TENM1: variants seen among roughly 807,000 people sequenced by gnomAD.
TENM1 encodes the protein teneurin transmembrane protein 1, also known as teneurin-1.
A neutral mutation model predicts 174.8 loss-of-function variants in TENM1; 35 were observed. The observed-to-expected ratio is 0.20, with a 90% CI of 0.15 to 0.27. The LOEUF is 0.27. Ranked by LOEUF, TENM1 falls within the 10% of genes least tolerant of loss-of-function variation. The pLI is 1.00. For missense variants in TENM1, 1,633 were observed against 2,130.1 expected, an observed-to-expected ratio of 0.77 and a Z score of 4.59; for synonymous variants, 781 against 798.7, an observed-to-expected ratio of 0.98 and a Z score of 0.37.
At chrX:125,061,793 A>T in the TENM1 span, among the ~76,000 whole-genome samples, 4 of 111,540 alleles carry the variant, frequency 3.6e-5, no homozygotes, top group African/African-American at 1.3e-4. Context: ...GATCTCAGCT[A>T]CTTGGGAGAC....
chrX:125,194,452 C>A, the TENM1 span, among the ~76,000 whole-genome samples: 1 of 111,368 alleles, frequency 9.0e-6, no homozygotes, highest in African/African-American at 3.3e-5. Context: ...TCCTAATCTA[C>A]TTCAATCCTT....
chrX:124,647,248 T>G (rs2051182621), intron 8 of TENM1, among the ~76,000 whole-genome samples: 1 of 112,116 alleles, frequency 8.9e-6, no homozygotes, highest in Non-Finnish European at 1.9e-5. Flanking sequence ...CTCTAGCAAC[T>G]TATTTAATCT....
At chrX:124,513,084 A>G (rs900402939) in intron 18 of TENM1, among the ~76,000 whole-genome samples, 3 of 112,091 alleles carry the variant, frequency 2.7e-5, no homozygotes, top group Non-Finnish European at 3.8e-5. Flanking sequence ...AAAGGCTTTA[A>G]ACAAGAAAAA....
chrX:124,994,242 A>G, the TENM1 span, among the ~76,000 whole-genome samples: 181 of 70,322 alleles, frequency 2.6e-3, 1 homozygote, highest in African/African-American at 0.011. Flanking sequence ...TTTTTTTGGC[A>G]ATTGACCAAA....
At chrX:124,764,165 C>T (rs906731142) in intron 3 of TENM1, among the ~76,000 whole-genome samples, 4 of 111,916 alleles carry the variant, frequency 3.6e-5, no homozygotes, top group African/African-American at 1.3e-4. Flanking sequence ...AAGTTTGCCT[C>T]CCTGGAGAGG....
chrX:125,198,588 A>G, the TENM1 span, among the ~76,000 whole-genome samples: 8 of 111,755 alleles, frequency 7.2e-5, no homozygotes, highest in Non-Finnish European at 1.5e-4. Context: ...GGAAAATGAC[A>G]GAGATGGCAC....
chrX:124,877,311 T>A (rs1356476026), intron 3 of TENM1, among the ~76,000 whole-genome samples: 1 of 112,336 alleles, frequency 8.9e-6, no homozygotes, highest in Non-Finnish European at 1.9e-5. Flanking sequence ...ATTTGTAATT[T>A]TTTGGCTGCA....
At chrX:124,406,265 G>T in intron 26 of TENM1, 52 bp downstream of exon 29, 1 of 1,010,916 alleles carries the variant, frequency 9.9e-7, no homozygotes, top group Non-Finnish European at 1.4e-6. Flanking sequence ...GTTTCAAGGT[G>T]GATGTTGACA....
At chrX:124,820,320 T>C (rs1050699338) in intron 3 of TENM1, among the ~76,000 whole-genome samples, 1 of 111,320 alleles carries the variant, frequency 9.0e-6, no homozygotes, top group African/African-American at 3.3e-5. Context: ...AAATCCTTCC[T>C]CCCAGCCGCC....
At chrX:124,765,777 T>C (rs2148614551) in intron 3 of TENM1, among the ~76,000 whole-genome samples, 1 of 112,104 alleles carries the variant, frequency 8.9e-6, no homozygotes, top group African/African-American at 3.2e-5. Flanking sequence ...GTTTTAACTA[T>C]CTTTTAGTTT....
intron 11 of TENM1, among the ~76,000 whole-genome samples, chrX:124,635,195 C>T (rs935284058): frequency 9.0e-6 from 1 of 111,570 alleles, no homozygotes; most frequent in Admixed American, 9.5e-5. Flanking sequence ...TTTTGCTAAT[C>T]TTCCACTATT....
At chrX:124,402,841 T>C (rs934919551) in intron 27 of TENM1, among the ~76,000 whole-genome samples, 2 of 110,961 alleles carry the variant, frequency 1.8e-5, no homozygotes, top group South Asian at 7.7e-4. Flanking sequence ...CTTTCTCTAG[T>C]AGTACACTTT....
At chrX:124,862,530 G>A (rs1445527269) in intron 3 of TENM1, among the ~76,000 whole-genome samples, 1 of 110,900 alleles carries the variant, frequency 9.0e-6, no homozygotes, top group Admixed American at 9.6e-5. Context: ...AAGGATAACC[G>A]GACCAAACTC....
intron 3 of TENM1, among the ~76,000 whole-genome samples, chrX:124,786,126 A>G (rs1469201645): frequency 3.6e-5 from 4 of 111,489 alleles, no homozygotes; most frequent in Non-Finnish European, 7.6e-5. Flanking sequence ...ATATATATTC[A>G]CTATGATATT....
intron 1 of TENM1, among the ~76,000 whole-genome samples, chrX:124,934,406 T>C (rs2058215994): frequency 8.9e-6 from 1 of 112,446 alleles, no homozygotes; most frequent in African/African-American, 3.2e-5. Flanking sequence ...AGCTAGGTCC[T>C]ACTATACAAT....
chrX:124,560,695 T>C (rs1345973907), intron 14 of TENM1, among the ~76,000 whole-genome samples: 1 of 112,070 alleles, frequency 8.9e-6, no homozygotes, highest in Non-Finnish European at 1.9e-5. Context: ...GCTACCTTAT[T>C]AATATAATCC....
chrX:124,650,843 C>T (rs1043559788), intron 8 of TENM1, among the ~76,000 whole-genome samples: 1 of 111,674 alleles, frequency 9.0e-6, no homozygotes, highest in African/African-American at 3.3e-5. Context: ...TGGAGTTTTT[C>T]TCTAGGGGAA....
At chrX:124,583,738 G>A (rs1263787025) in intron 11 of TENM1, among the ~76,000 whole-genome samples, 3 of 111,513 alleles carry the variant, frequency 2.7e-5, no homozygotes, top group Non-Finnish European at 3.8e-5. Flanking sequence ...AAACTACTCC[G>A]AGCTACAGGA....
chrX:125,093,968 C>A, the TENM1 span, among the ~76,000 whole-genome samples: 1 of 111,880 alleles, frequency 8.9e-6, no homozygotes, highest in East Asian at 2.8e-4. Context: ...CATTGTGAAG[C>A]ACCTTTGTTT....
Sources: gnomAD v4.1 joint callset for allele counts (sites outside exome capture counted in the v4.1 genomes callset) on GRCh38, gnomAD v4.1.1 for gene constraint, MANE v1.5 for transcripts, NCBI Gene and HGNC (gene_info 2026-07-23, HGNC 2026-07-21) for gene names.